Variants in DGKB observed in about 807,000 individuals in gnomAD.
DGKB encodes diacylglycerol kinase beta.
In DGKB, 67 loss-of-function variants were observed where a neutral mutation model predicts 114.3. The ratio of observed to expected loss-of-function variants is 0.59; its 90% CI spans 0.48 to 0.72. The LOEUF is 0.72. Ranked by LOEUF, DGKB falls within the 30% of genes least tolerant of loss-of-function variation. The pLI is 0.00. For synonymous variants in DGKB, 398 were observed against 323.1 expected (o/e 1.23, Z -2.49); for missense variants, 907 against 975.2 (o/e 0.93, Z 0.93).
chr7:14,536,561 T>TAACC (rs1241245875), intron 20 of DGKB, among the ~76,000 whole-genome samples: 1 of 152,090 alleles, frequency 6.6e-6, no homozygotes, highest in Non-Finnish European at 1.5e-5. Context: ...AGAAGGAGAA[T>TAACC]AACCACAAAA....
intron 13 of DGKB, among the ~76,000 whole-genome samples, chr7:14,659,321 G>T (rs1816543847): frequency 6.6e-6 from 1 of 152,022 alleles, no homozygotes; most frequent in Non-Finnish European, 1.5e-5. Flanking sequence ...ATTACCCTGG[G>T]CAGTATGGCA....
At chr7:14,203,622 A>C (rs929478599) in intron 23 of DGKB, among the ~76,000 whole-genome samples, 8 of 151,998 alleles carry the variant, frequency 5.3e-5, no homozygotes, top group Admixed American at 5.3e-4. Flanking sequence ...TGAAGGGGTC[A>C]CCATTCACAT....
At chr7:14,168,419 T>C (rs969012) in intron 25 of DGKB, among the ~76,000 whole-genome samples, 1 of 152,238 alleles carries the variant, frequency 6.6e-6, no homozygotes, top group East Asian at 1.9e-4. Context: ...GCTGGAGATG[T>C]GCCGATGTGG....
intron 21 of DGKB, among the ~76,000 whole-genome samples, chr7:14,470,486 AC>A (rs1400331755): frequency 2.6e-5 from 4 of 151,872 alleles, no homozygotes; most frequent in Non-Finnish European, 1.5e-5. Context: ...TCCTTTCTTT[AC>A]TTTCACTGTT....
At chr7:14,538,329 T>G (rs1792876166) in intron 20 of DGKB, among the ~76,000 whole-genome samples, 1 of 151,984 alleles carries the variant, frequency 6.6e-6, no homozygotes, top group Non-Finnish European at 1.5e-5. Context: ...GGAAAGGACT[T>G]GAACAGACAT....
chr7:14,939,387 G>A (rs1785442929), intron 1 of DGKB, among the ~76,000 whole-genome samples: 1 of 152,090 alleles, frequency 6.6e-6, no homozygotes, highest in South Asian at 2.1e-4. Context: ...CTTTCTCAGT[G>A]AAGTTTAACT....
chr7:14,949,956 G>A (rs1261686559), intron 1 of DGKB, among the ~76,000 whole-genome samples: 1 of 151,704 alleles, frequency 6.6e-6, no homozygotes, highest in Admixed American at 6.6e-5. Flanking sequence ...TTGTTGTGGG[G>A]TGGGGGGAGT....
intron 2 of DGKB, among the ~76,000 whole-genome samples, chr7:14,794,618 G>A (rs1433961647): frequency 6.6e-6 from 1 of 152,106 alleles, no homozygotes; most frequent in Admixed American, 6.6e-5. Context: ...AGAGCTGCAG[G>A]ACTGAAATTG....
chr7:14,173,342 A>G (rs1168370341), intron 25 of DGKB, among the ~76,000 whole-genome samples: 1 of 152,192 alleles, frequency 6.6e-6, no homozygotes, highest in East Asian at 1.9e-4. Flanking sequence ...GGTAAAATAT[A>G]CATAACATAA....
intron 1 of DGKB, among the ~76,000 whole-genome samples, chr7:14,934,438 T>C (rs1213611512): frequency 1.3e-5 from 2 of 152,130 alleles, no homozygotes; most frequent in East Asian, 3.9e-4. Flanking sequence ...AGTGCTGGAG[T>C]ACTTGACATA....
intron 20 of DGKB, among the ~76,000 whole-genome samples, chr7:14,515,940 G>A (rs1788717848): frequency 6.6e-6 from 1 of 152,082 alleles, no homozygotes; most frequent in Admixed American, 6.6e-5. Flanking sequence ...GACCTCCTAA[G>A]CTCAAGCGAT....
chr7:14,667,706 G>T (rs575992628), intron 13 of DGKB, among the ~76,000 whole-genome samples: 1 of 152,262 alleles, frequency 6.6e-6, no homozygotes, highest in East Asian at 1.9e-4. Flanking sequence ...AAAAGGCTCA[G>T]AGCCTATCAG....
intron 23 of DGKB, among the ~76,000 whole-genome samples, chr7:14,260,834 T>G (rs6976083): frequency 0.53 from 81,116 of 152,102 alleles, 23,662 homozygotes; most frequent in Non-Finnish European, 0.66. Context: ...TAATTAAAAC[T>G]TGTTTTACAT....
intron 17 of DGKB, among the ~76,000 whole-genome samples, chr7:14,604,431 A>C (rs892774994): frequency 1.3e-5 from 2 of 152,154 alleles, no homozygotes; most frequent in East Asian, 3.8e-4. Context: ...AGAATACATC[A>C]ATCTGGTGTG....
At chr7:14,679,228 T>C (rs1438745008) in intron 12 of DGKB, among the ~76,000 whole-genome samples, 1 of 150,950 alleles carries the variant, frequency 6.6e-6, no homozygotes, top group Non-Finnish European at 1.5e-5. Context: ...TGTATTTATG[T>C]ATTTCATAAT....
chr7:14,957,146 A>T (rs1786553008), intron 1 of DGKB, among the ~76,000 whole-genome samples: 1 of 151,958 alleles, frequency 6.6e-6, no homozygotes, highest in South Asian at 2.1e-4. Flanking sequence ...GTTTTTTTAA[A>T]AAAAGGGCAT....
chr7:14,931,892 C>T (rs1390644765), intron 1 of DGKB, among the ~76,000 whole-genome samples: 3 of 152,096 alleles, frequency 2.0e-5, no homozygotes, highest in African/African-American at 4.8e-5. Flanking sequence ...TTCTGGAGCC[C>T]ACTCCACACT....
chr7:14,801,950 A>ACACG (rs1842229552), intron 2 of DGKB, among the ~76,000 whole-genome samples: 2 of 151,836 alleles, frequency 1.3e-5, no homozygotes, highest in South Asian at 4.2e-4. Flanking sequence ...ACACACACGC[A>ACACG]CACACATATA....
At chr7:14,909,566 C>G (rs538846531) in intron 1 of DGKB, among the ~76,000 whole-genome samples, 13 of 152,188 alleles carry the variant, frequency 8.5e-5, no homozygotes, top group African/African-American at 3.1e-4. Context: ...ATGTTTAAAA[C>G]TGAGGTTTCT....
Sources: allele counts gnomAD v4.1 joint callset (sites outside exome capture counted in the v4.1 genomes callset), GRCh38; gene constraint gnomAD v4.1.1; transcripts MANE v1.5; gene names NCBI Gene and HGNC (gene_info 2026-07-23, HGNC 2026-07-21).